MRPL48: variants seen among roughly 807,000 people sequenced by gnomAD.
MRPL48 encodes the protein mitochondrial ribosomal protein L48, also known as large ribosomal subunit protein mL48.
A neutral mutation model predicts 32.9 loss-of-function variants in MRPL48; 16 were observed. That is an observed-to-expected ratio of 0.49 (90% CI 0.33 to 0.74). The LOEUF is 0.74. Ranked by LOEUF, MRPL48 falls within the 30% of genes least tolerant of loss-of-function variation. MRPL48 has a pLI of 0.02. For missense variants in MRPL48, 206 were observed against 245.3 expected (o/e 0.84, Z 1.07); for synonymous variants, 94 against 89.2 (o/e 1.05, Z -0.31).
chr11:73,863,325 A>G (rs1948616752), intron 7 of MRPL48, 64 bp downstream of exon 7: 1 of 1,320,414 alleles, frequency 7.6e-7, no homozygotes, highest in South Asian at 1.3e-5. Flanking sequence ...GGATAAGAAC[A>G]TCTGGACTTC....
At chr11:73,804,554 G>A (rs1050743477) in intron 1 of MRPL48, among the ~76,000 whole-genome samples, 4 of 152,186 alleles carry the variant, frequency 2.6e-5, no homozygotes, top group African/African-American at 9.6e-5. Flanking sequence ...ACAGGCATGA[G>A]CCACCGCACC....
chr11:73,796,449 C>T (rs188539675), intron 1 of MRPL48, among the ~76,000 whole-genome samples: 1 of 152,382 alleles, frequency 6.6e-6, no homozygotes, highest in East Asian at 1.9e-4. Flanking sequence ...AGCCTCTTGC[C>T]TCCTTGGCCC....
At chr11:73,817,092 G>C (rs1170016883) in intron 3 of MRPL48, among the ~76,000 whole-genome samples, 1 of 150,704 alleles carries the variant, frequency 6.6e-6, no homozygotes, top group Non-Finnish European at 1.5e-5. Flanking sequence ...TGGGCCTCCC[G>C]AAGTGCTGGG....
At chr11:73,796,341 C>T (rs1055419166) in intron 1 of MRPL48, among the ~76,000 whole-genome samples, 1 of 152,244 alleles carries the variant, frequency 6.6e-6, no homozygotes, top group African/African-American at 2.4e-5. Flanking sequence ...TCCCTGCTGT[C>T]GACACCAGCT....
chr11:73,793,926 G>C (rs572231741), intron 1 of MRPL48, among the ~76,000 whole-genome samples: 16 of 145,402 alleles, frequency 1.1e-4, no homozygotes, highest in African/African-American at 2.6e-4. Context: ...GGCAGGTCTC[G>C]AACTCCTGGG....
At chr11:73,828,611 A>C (rs1487073215) in intron 4 of MRPL48, among the ~76,000 whole-genome samples, 1 of 152,182 alleles carries the variant, frequency 6.6e-6, no homozygotes, top group Non-Finnish European at 1.5e-5. Flanking sequence ...AGACACAGAC[A>C]ATATACTTCC....
chr11:73,811,872 GA>G (rs1212190688), intron 3 of MRPL48, among the ~76,000 whole-genome samples: 11 of 152,138 alleles, frequency 7.2e-5, no homozygotes, highest in Admixed American at 6.6e-4. Flanking sequence ...GATGAAAAGT[GA>G]AATTTTATTG....
intron 1 of MRPL48, among the ~76,000 whole-genome samples, chr11:73,802,437 C>CAA (rs1473448006): frequency 1.3e-5 from 2 of 150,838 alleles, no homozygotes; most frequent in Non-Finnish European, 3.0e-5. Flanking sequence ...AACATCATCC[C>CAA]AAAAAAAAAC....
chr11:73,803,319 C>T (rs1464226952), intron 1 of MRPL48, among the ~76,000 whole-genome samples: 2 of 150,630 alleles, frequency 1.3e-5, no homozygotes, highest in Non-Finnish European at 3.0e-5. Flanking sequence ...TTGGGAGAGA[C>T]GGGGTTTCAC....
chr11:73,788,135 C>A (rs988336325), intron 1 of MRPL48, 143 bp downstream of exon 1: 1 of 1,265,792 alleles, frequency 7.9e-7, no homozygotes, highest in East Asian at 2.6e-5. Flanking sequence ...TCCTTCCCAG[C>A]AGCACATGCG....
At chr11:73,860,173 C>A in intron 6 of MRPL48, 164 bp downstream of exon 6, 2 of 564,856 alleles carry the variant, frequency 3.5e-6, no homozygotes, top group Non-Finnish European at 6.2e-6. Flanking sequence ...TACCTTCCCC[C>A]TATGCAGTCT....
Position 73,825,715 on chromosome 11 carries a change from T to G in MRPL48, c.120T>G (p.Ile40Met). 1.9e-6 allele frequency: 3 copies of G among 1,560,648 alleles called. No individual in the cohort carries two copies. Among genetic ancestry groups the G allele is most frequent in the Non-Finnish European group, 2.6e-6 (3 of 1,152,168 alleles). ...TTATTTTCTCTCTTTTAGGTGGAAT[T>G]CTACTAAGTATCAGTCGGCCCTACA... ...GEKPIYSVGG[I>M]LLSISRPYKT... The change falls in exon 4 of 8, where the codon ATT becomes ATG. Residue 40 changes from isoleucine to methionine, a missense_variant. Physicochemically the swap from Ile to Met is conservative, Grantham distance 10. Transcript: ENST00000310614.
intron 3 of MRPL48, among the ~76,000 whole-genome samples, chr11:73,812,741 T>TA (rs1491471860): frequency 2.0e-4 from 28 of 136,626 alleles, no homozygotes; most frequent in African/African-American, 5.1e-4. Flanking sequence ...TATATATATA[T>TA]TTATTTATTT....
In MRPL48 at chr11:73,864,517, G is replaced by T; in HGVS notation, c.*147G>T. The T allele has an allele frequency of 1.4e-6, 1 of 738,494 alleles. No homozygotes were observed. Among genetic ancestry groups the T allele is most frequent in the Non-Finnish European group, 2.3e-6 (1 of 444,188 alleles). The allele number at this position is 738,494 out of a possible 1,614,324, so 45.7% of individuals were successfully genotyped here. On this transcript the variant is annotated 3_prime_UTR_variant, in exon 8 of 8. Transcript: ENST00000310614. ...GCCAGTAATGTCCTCACTCCTCTGTGGCTTGGCTGTACTTGCCATTTCTTA... is the reference window on the plus strand; with the variant it reads ...GCCAGTAATGTCCTCACTCCTCTGTTGCTTGGCTGTACTTGCCATTTCTTA...
chr11:73,809,114 T>A (rs1288194006), intron 3 of MRPL48, among the ~76,000 whole-genome samples: 1 of 151,622 alleles, frequency 6.6e-6, no homozygotes, highest in African/African-American at 2.4e-5. Context: ...GCAGCCTGGG[T>A]GACAGAGCAA....
At chr11:73,841,943 G>A (rs1267322768) in intron 4 of MRPL48, among the ~76,000 whole-genome samples, 2 of 151,896 alleles carry the variant, frequency 1.3e-5, no homozygotes, top group African/African-American at 2.4e-5. Flanking sequence ...GTTTTTGGGG[G>A]GGGGTTTGTT....
At chr11:73,850,898 G>T (rs1232861573) in intron 5 of MRPL48, 3 of 247,696 alleles carry the variant, frequency 1.2e-5, no homozygotes, top group Non-Finnish European at 2.4e-5. Context: ...GGATGGTCTC[G>T]ATCTCCTGAC....
intron 3 of MRPL48, among the ~76,000 whole-genome samples, chr11:73,815,566 G>A (rs1449324828): frequency 1.3e-5 from 2 of 151,874 alleles, no homozygotes; most frequent in Non-Finnish European, 2.9e-5. Flanking sequence ...ACAGCTCACC[G>A]CAGTCTTGAG....
rs138873506 is a variant in MRPL48 at position 73,846,829 on chromosome 11, G to T, written c.371+1853G>T. On this transcript the variant is annotated intron_variant, in intron 5 of 7. Transcript: ENST00000310614. ...GCGATCCTCCTCTCTCTCCCAAATA[G>T]CTGGGACTACAGGCAAACACCAACT... Among the ~76,000 whole-genome samples the T allele has an allele frequency of 1.1e-3, 164 of 151,920 alleles. No individual in the cohort carries two copies. In the East Asian group the frequency reaches 0.025, roughly 23 times the overall value.
Sources: allele counts gnomAD v4.1 joint callset (sites outside exome capture counted in the v4.1 genomes callset), GRCh38; gene constraint gnomAD v4.1.1; transcripts MANE v1.5; gene names NCBI Gene and HGNC (gene_info 2026-07-23, HGNC 2026-07-21).